GPD1: variants seen among roughly 807,000 people sequenced by gnomAD.
The protein encoded by GPD1 is glycerol-3-phosphate dehydrogenase 1.
Under a neutral mutation model 34.4 loss-of-function variants are expected in GPD1, and 19 were observed. The observed-to-expected ratio is 0.55, with a 90% CI of 0.39 to 0.81. The LOEUF (loss-of-function observed/expected upper bound fraction) is 0.81. Among genes scored for constraint, GPD1 ranks in the 30% least tolerant of loss-of-function variants. The probability of loss-of-function intolerance (pLI) is 0.00; values close to 1 mark genes in which losing one functional copy is unlikely to be tolerated. For synonymous variants in GPD1, 172 were observed against 174.1 expected (o/e 0.99, Z 0.09); for missense variants, 429 against 447.0 (o/e 0.96, Z 0.36).
intron 4 of GPD1, 21 bp downstream of exon 4, chr12:50,106,447 G>T: frequency 6.2e-7 from 1 of 1,607,422 alleles, no homozygotes; most frequent in Non-Finnish European, 8.5e-7. Context: ...CCTGGCACCT[G>T]CATACACAGT....
At position 50,104,561 on chromosome 12, in the gene GPD1, C is replaced by T. The variant is rs1353097359; in HGVS notation, c.42-13C>T. Reference sequence around the variant, plus strand: ...CCTCCTCCTGTACTTTCCTGTGCTCCCCCTCCCACCAGGGGCTCAGCCATC... The same window carrying T: ...CCTCCTCCTGTACTTTCCTGTGCTCTCCCTCCCACCAGGGGCTCAGCCATC... On this transcript the variant is annotated splice_polypyrimidine_tract_variant and intron_variant, in intron 1 of 7. Coordinates refer to ENST00000301149, the MANE Select transcript of GPD1 (RefSeq NM_005276.4). The T allele has an allele frequency of 3.7e-6, 6 of 1,608,660 alleles. No individual in the cohort carries two copies. The highest frequency in any genetic ancestry group is 5.1e-6 in the Non-Finnish European group (6 of 1,175,314).
Position 50,105,600 on chromosome 12 carries a change from T to A in GPD1, c.272T>A (p.Phe91Tyr). Reference sequence around the variant, plus strand: ...GCAGAGGATGCTGACATCCTGATCTTTGTGGTGCCCCATCAGTTCATCGGC... The same window carrying A: ...GCAGAGGATGCTGACATCCTGATCTATGTGGTGCCCCATCAGTTCATCGGC... ...QAAEDADILI[F>Y]VVPHQFIGKI... Residue 91 changes from phenylalanine to tyrosine, a missense_variant, in exon 3 of 8, where the codon TTT (phenylalanine) becomes TAT (tyrosine). Phe to Tyr is a conservative substitution (Grantham distance 22). Transcript: ENST00000301149. The A allele has an allele frequency of 6.2e-7, 1 of 1,614,116 alleles. No homozygotes were observed. The highest frequency in any genetic ancestry group is 1.7e-5 in the Admixed American group (1 of 60,024).
In GPD1 at chr12:50,109,526, C is replaced by T. The variant is rs1209035664; in HGVS notation, c.*7C>T. On this transcript the variant is annotated 3_prime_UTR_variant, in exon 8 of 8. Transcript: ENST00000301149. ...TCATCCAGAACATATGTGAGTGGGG[C>T]CAGGGCCCAGGCCAGGCCGCTTTTT... 1 of 1,425,484 alleles carries T rather than the reference C, an allele frequency of 7.0e-7. No homozygotes were observed. Among genetic ancestry groups the T allele is most frequent in the Admixed American group, 1.7e-5 (1 of 59,798 alleles). 88.3% of individuals were successfully genotyped at this position (1,425,484 alleles called of 1,614,324 possible). A position where few individuals can be genotyped will look rare whatever the true frequency, so the allele number is the denominator to read the frequency against.
chr12:50,111,143 C>G lies in GPD1; in HGVS notation c.*1624C>G, dbSNP rs1290906512. The G allele has an allele frequency of 2.6e-5, 4 of 152,238 alleles. No individual in the cohort carries two copies. Among genetic ancestry groups the G allele is most frequent in the African/African-American group, 7.2e-5 (3 of 41,450 alleles). The allele number at this position is 152,238 out of a possible 1,614,324, so 9.4% of individuals were successfully genotyped here. Reference sequence around the variant, plus strand: ...CACAGTCACCCCAGGCCTTGCTGAGCCCAGGTCTGGGTACTGAGTGTCCAG... The same window carrying G: ...CACAGTCACCCCAGGCCTTGCTGAGGCCAGGTCTGGGTACTGAGTGTCCAG... On this transcript the variant is annotated 3_prime_UTR_variant, in exon 8 of 8. Coordinates refer to ENST00000301149, the MANE Select transcript of GPD1 (RefSeq NM_005276.4). This position sits in a 1 kb window ranked among gnomAD's most constrained non-coding sequence, Gnocchi z 4.1.
At chr12:50,107,322 G>A (rs1002930188) in intron 5 of GPD1, 11 of 678,528 alleles carry the variant, frequency 1.6e-5, no homozygotes, top group South Asian at 3.0e-5. Flanking sequence ...TCATAGATGG[G>A]AAGATCAACT....
intron 4 of GPD1, 29 bp from the exon 5 acceptor site, chr12:50,106,776 C>T: frequency 7.8e-7 from 1 of 1,282,180 alleles, no homozygotes; most frequent in South Asian, 1.3e-5. Context: ...GAGTCCTTCC[C>T]TCAAAGCCTT....
chr12:50,106,971 C>A, intron 5 of GPD1, 54 bp downstream of exon 5: 1 of 1,074,146 alleles, frequency 9.3e-7, no homozygotes, highest in Non-Finnish European at 1.4e-6. Flanking sequence ...CAAAGGAGGT[C>A]TGGCTGAGCT....
chr12:50,107,364 C>T lies in GPD1; in HGVS notation c.613-203C>T, dbSNP rs561765845. 1.3e-4 allele frequency: 90 copies of T among 697,412 alleles called. No individual in the cohort carries two copies. In the Admixed American group the frequency reaches 1.3e-3, roughly 10 times the overall value. The allele number at this position is 697,412 out of a possible 1,614,324, so 43.2% of individuals were successfully genotyped here. On this transcript the variant is annotated intron_variant, in intron 5 of 7. Transcript: ENST00000301149. ...AAGAGTGGTTTTCAGAAAATGTCCT[C>T]GAGGAGGGAGTATGGGGCAGGGCTT...
Position 50,109,945 on chromosome 12 carries a change from G to T in GPD1, c.*426G>T, listed in dbSNP as rs552234488. 7 of 166,300 alleles carry T rather than the reference G, an allele frequency of 4.2e-5. No homozygotes were observed. Among genetic ancestry groups the T allele is most frequent in the Admixed American group, 2.4e-4 (4 of 16,956 alleles). 10.3% of individuals were successfully genotyped at this position (166,300 alleles called of 1,614,324 possible). On this transcript the variant is annotated 3_prime_UTR_variant, in exon 8 of 8. Transcript: ENST00000301149. ...CTGAAGAAGTATCTTAGCCACAGGAGCGATGAGGCAAGGATTGTCAGGGAG... is the reference window on the plus strand; with the variant it reads ...CTGAAGAAGTATCTTAGCCACAGGATCGATGAGGCAAGGATTGTCAGGGAG...
At chr12:50,106,614 G>A (rs1256728628) in intron 4 of GPD1, among the ~76,000 whole-genome samples, 188 bp downstream of exon 4, 1 of 152,154 alleles carries the variant, frequency 6.6e-6, no homozygotes, top group Non-Finnish European at 1.5e-5. Context: ...ACACAGTGAT[G>A]AGCCCTCCCT....
intron 7 of GPD1, among the ~76,000 whole-genome samples, chr12:50,108,503 CCTGTT>C (rs1489968962): frequency 6.6e-6 from 1 of 152,154 alleles, no homozygotes; most frequent in Non-Finnish European, 1.5e-5. Context: ...TTCCCTGAAT[CCTGTT>C]CTGGGTGCTG....
At position 50,104,692 on chromosome 12, in the gene GPD1, A is replaced by C; in HGVS notation, c.160A>C (p.Ile54Leu). Residue 54 changes from isoleucine (I) to leucine (L), a missense_variant, in exon 2 of 8, where the codon ATC becomes CTC. Physicochemically the swap from Ile to Leu is conservative, Grantham distance 5. Transcript: ENST00000301149. ...DIGGKKLTEI[I>L]NTQHENVKYL... Reference sequence around the variant, plus strand: ...TGGAGGCAAAAAGCTGACTGAGATCATCAACACGCAGCATGAGAATGTCAA... The same window carrying C: ...TGGAGGCAAAAAGCTGACTGAGATCCTCAACACGCAGCATGAGAATGTCAA... 2.5e-6 allele frequency: 4 copies of C among 1,613,608 alleles called. No homozygotes were observed. Among genetic ancestry groups the C allele is most frequent in the African/African-American group, 1.3e-5 (1 of 75,034 alleles).
At chr12:50,105,107 G>A (rs982218468) in intron 2 of GPD1, 8 of 301,998 alleles carry the variant, frequency 2.6e-5, no homozygotes, top group Non-Finnish European at 4.9e-5. Flanking sequence ...TTGGACTTAC[G>A]GTCTTTGGTC....
rs775785447 is a variant in GPD1 at position 50,107,738 on chromosome 12, A to G, written c.784A>G (p.Ile262Val). ...GGAGAGCTGTGGTGTTGCTGACCTG[A>G]TCACTACCTGCTATGGAGGGCGGAA... ...FLESCGVADL[I>V]TTCYGGRNRK... The change falls in exon 6 of 8, where the codon ATC (isoleucine) becomes GTC (valine). Residue 262 changes from isoleucine to valine, a missense_variant. Coordinates refer to ENST00000301149, the MANE Select transcript of GPD1 (RefSeq NM_005276.4). 1.2e-6 allele frequency: 2 copies of G among 1,613,998 alleles called. No individual in the cohort carries two copies. The highest frequency in any genetic ancestry group is 2.2e-5 in the South Asian group (2 of 91,070).
chr12:50,107,831 GC>G, intron 6 of GPD1, 31 bp downstream of exon 6: 1 of 1,517,990 alleles, frequency 6.6e-7, no homozygotes, highest in Non-Finnish European at 9.2e-7. Flanking sequence ...GAACAGAGGG[GC>G]GGCTCTGTAG....
chr12:50,107,196 G>A (rs567722967), intron 5 of GPD1: 3 of 661,548 alleles, frequency 4.5e-6, no homozygotes, highest in East Asian at 3.0e-5. Flanking sequence ...GGTCCAGGGG[G>A]ACAAGGAGAT....
At position 50,105,186 on chromosome 12, in the gene GPD1, C is replaced by G. The variant is rs561894271; in HGVS notation, c.220-362C>G. On this transcript the variant is annotated intron_variant, in intron 2 of 7. Coordinates refer to ENST00000301149, the MANE Select transcript of GPD1 (RefSeq NM_005276.4). ...GAGAGCAGAAAGGCTGGGGCTCCCC[C>G]TTCCCAGCTGGGGTTCCTGAGGAGC... 5 of 317,264 alleles carry G rather than the reference C, an allele frequency of 1.6e-5. No individual in the cohort carries two copies. The East Asian group carries it at 3.0e-4, about 19-fold the overall frequency. 19.7% of individuals were successfully genotyped at this position (317,264 alleles called of 1,614,324 possible).
In GPD1 at chr12:50,107,824, C is replaced by G. The variant is rs368271316; in HGVS notation, c.846+24C>G. On this transcript the variant is annotated intron_variant, in intron 6 of 7. Transcript: ENST00000301149. ...AGGTGGGCCCCGGGAGAAGGGAGAA[C>G]AGAGGGGCGGCTCTGTAGGCATCCA... 20 of 1,540,528 alleles carry G rather than the reference C, an allele frequency of 1.3e-5. No homozygotes were observed. The African/African-American group carries it at 1.9e-4, about 15-fold the overall frequency.
At position 50,106,356 on chromosome 12, in the gene GPD1, C is replaced by T. The variant is rs1950978476; in HGVS notation, c.429C>T (p.Pro143=). The T allele has an allele frequency of 6.2e-7, 1 of 1,613,608 alleles. No homozygotes were observed. The highest frequency in any genetic ancestry group is 8.5e-7 in the Non-Finnish European group (1 of 1,179,790). ...SEVIGERLGI[P]MSVLMGANIA... ...TGATTGGGGAGCGCCTCGGCATCCC[C>T]ATGAGTGTGCTGATGGGGGCCAACA... Residue 143 remains proline (P), a synonymous_variant, in exon 4 of 8, where the codon CCC becomes CCT. Coordinates refer to ENST00000301149, the MANE Select transcript of GPD1 (RefSeq NM_005276.4).
Sources: allele counts gnomAD v4.1 joint callset (sites outside exome capture counted in the v4.1 genomes callset), GRCh38; gene constraint gnomAD v4.1.1; non-coding constraint Gnocchi (gnomAD v3.1); transcripts MANE v1.5; gene names NCBI Gene and HGNC (gene_info 2026-07-23, HGNC 2026-07-21).